The following CERT1 variants were observed in gnomAD, a reference collection of about 807,000 sequenced individuals.
The protein encoded by CERT1 is ceramide transporter 1, also known as ceramide transfer protein.
A neutral mutation model predicts 87.9 loss-of-function variants in CERT1; 31 were observed. The ratio of observed to expected loss-of-function variants is 0.35; its 90% CI spans 0.27 to 0.48. CERT1 has a LOEUF of 0.48. CERT1 is among the 20% of genes least tolerant of loss of function. The probability of loss-of-function intolerance (pLI) is 0.99; values close to 1 mark genes in which losing one functional copy is unlikely to be tolerated. For missense variants in CERT1, 487 were observed against 758.0 expected (o/e 0.64, Z 4.20); for synonymous variants, 289 against 250.9 (o/e 1.15, Z -1.44).
At chr5:75,374,585 T>C (rs567351020), downstream of CERT1, 7 of 703,444 alleles carry the variant, frequency 1.0e-5, no homozygotes, top group South Asian at 8.1e-5. Flanking sequence ...AATTCGTCAT[T>C]TGAAACACAG....
At chr5:75,433,265 C>T (rs1763949545) in intron 3 of CERT1, among the ~76,000 whole-genome samples, 1 of 152,174 alleles carries the variant, frequency 6.6e-6, no homozygotes, top group Non-Finnish European at 1.5e-5. Flanking sequence ...GGCAATGAAT[C>T]TGTAAACTGC....
chr5:75,374,753 C>T, downstream of CERT1: 2 of 563,590 alleles, frequency 3.5e-6, no homozygotes, highest in Admixed American at 3.8e-5. Flanking sequence ...TCGAACACCT[C>T]CACCCCAATT....
intron 2 of CERT1, among the ~76,000 whole-genome samples, chr5:75,460,110 A>T (rs1765164566): frequency 6.6e-6 from 1 of 152,066 alleles, no homozygotes; most frequent in African/African-American, 2.4e-5. Context: ...AGCTAAAAGC[A>T]TATATATTTT....
intron 2 of CERT1, among the ~76,000 whole-genome samples, chr5:75,491,217 A>C (rs114880638): frequency 0.015 from 2,243 of 152,190 alleles, 48 homozygotes; most frequent in African/African-American, 0.05. Context: ...CGTTTGCCAA[A>C]GTCTAGATAC....
chr5:75,476,658 T>C (rs1765965990), intron 2 of CERT1, among the ~76,000 whole-genome samples: 1 of 152,136 alleles, frequency 6.6e-6, no homozygotes, highest in African/African-American at 2.4e-5. Flanking sequence ...AATAAGAAAC[T>C]AGAGCAAAGG....
chr5:75,389,522 T>G (rs1306885614), intron 12 of CERT1, 70 bp downstream of exon 12: 2 of 1,141,486 alleles, frequency 1.8e-6, no homozygotes, highest in East Asian at 4.7e-5. Context: ...CTTATTCATA[T>G]CAATAGTAAT....
intron 11 of CERT1, among the ~76,000 whole-genome samples, chr5:75,393,663 T>C (rs1762124424): frequency 7.1e-6 from 1 of 140,358 alleles, no homozygotes; most frequent in East Asian, 2.2e-4. Flanking sequence ...AGATCTCTTT[T>C]ATGCATGTAA....
chr5:75,418,337 T>C (rs1288749591), intron 6 of CERT1, among the ~76,000 whole-genome samples: 1 of 152,196 alleles, frequency 6.6e-6, no homozygotes, highest in African/African-American at 2.4e-5. Context: ...TTAGAATGAC[T>C]GAAATTTGAA....
chr5:75,371,320 A>G (rs1761077975), intron 17 of CERT1: 1 of 152,224 alleles, frequency 6.6e-6, no homozygotes, highest in Non-Finnish European at 1.5e-5. Flanking sequence ...TCGTCTGTAC[A>G]ACTCGGACTA....
At chr5:75,391,409 C>G (rs1215041433) in intron 11 of CERT1, among the ~76,000 whole-genome samples, 1 of 152,168 alleles carries the variant, frequency 6.6e-6, no homozygotes, top group Non-Finnish European at 1.5e-5. Flanking sequence ...GACAAAAATG[C>G]TGAGATTCTA....
chr5:75,473,505 G>A (rs1765809279), intron 2 of CERT1, among the ~76,000 whole-genome samples: 1 of 152,158 alleles, frequency 6.6e-6, no homozygotes, highest in Non-Finnish European at 1.5e-5. Context: ...TCCCTCATAT[G>A]TAGAATCTTA....
chr5:75,464,384 C>G (rs1276010353), intron 2 of CERT1, among the ~76,000 whole-genome samples: 1 of 152,150 alleles, frequency 6.6e-6, no homozygotes, highest in Non-Finnish European at 1.5e-5. Context: ...AGGCCCTACT[C>G]TCCACCCTCT....
chr5:75,410,160 A>T (rs1276422054), intron 8 of CERT1, among the ~76,000 whole-genome samples: 2 of 152,120 alleles, frequency 1.3e-5, no homozygotes, highest in Non-Finnish European at 1.5e-5. Context: ...TTTTCTCTTA[A>T]TATAGAAAGC....
chr5:75,370,362 C>T (rs1761036886), intron 17 of CERT1: 1 of 152,126 alleles, frequency 6.6e-6, no homozygotes, highest in African/African-American at 2.4e-5. Context: ...ACAAGTGGAG[C>T]TGAGATTAAA....
intron 2 of CERT1, among the ~76,000 whole-genome samples, chr5:75,462,487 G>A (rs143494153): frequency 4.7e-4 from 72 of 152,222 alleles, no homozygotes; most frequent in African/African-American, 1.5e-3. Context: ...AGGTAATGTC[G>A]GCTTGCCTGA....
At chr5:75,495,209 T>C (rs1419759886) in intron 2 of CERT1, among the ~76,000 whole-genome samples, 9 of 152,228 alleles carry the variant, frequency 5.9e-5, no homozygotes, top group Non-Finnish European at 7.3e-5. Flanking sequence ...ATTCTCTAAA[T>C]TGGAAACCAA....
At chr5:75,470,203 G>A (rs1369230682) in intron 2 of CERT1, among the ~76,000 whole-genome samples, 3 of 151,910 alleles carry the variant, frequency 2.0e-5, no homozygotes, top group Non-Finnish European at 4.4e-5. Flanking sequence ...GGACCAAATG[G>A]GCCTAACACA....
intron 7 of CERT1, among the ~76,000 whole-genome samples, chr5:75,412,900 T>G (rs184032798): frequency 3.1e-3 from 472 of 152,298 alleles, no homozygotes; most frequent in Non-Finnish European, 5.3e-3. Context: ...CTACATTTAT[T>G]TAAAAATGTT....
rs1761451071 is a variant in CERT1, at chr5:75,379,166, A to G, written c.*180T>C. 1.7e-6 allele frequency: 1 copy of G among 593,058 alleles called. No individual in the cohort carries two copies. Among genetic ancestry groups the G allele is most frequent in the African/African-American group, 1.9e-5 (1 of 53,714 alleles). 36.7% of individuals were successfully genotyped at this position (593,058 alleles called of 1,614,324 possible). On this transcript the variant is annotated 3_prime_UTR_variant, in exon 17 of 17. Coordinates refer to ENST00000643780, the MANE Select transcript of CERT1 (RefSeq NM_001379029.1). ...CATTGCACTTCAGCTTAGGAAACAG[A>G]GCAAGACCCTGTTTAAAACAACAAC...
Sources: allele counts gnomAD v4.1 joint callset (sites outside exome capture counted in the v4.1 genomes callset), GRCh38; gene constraint gnomAD v4.1.1; transcripts MANE v1.5; gene names NCBI Gene and HGNC (gene_info 2026-07-23, HGNC 2026-07-21).